ASF1A: variants seen among roughly 807,000 people sequenced by gnomAD.
ASF1A encodes anti-silencing function 1A histone chaperone.
In ASF1A, 5 loss-of-function variants were observed where a neutral mutation model predicts 22.0. That is an observed-to-expected ratio of 0.23 (90% CI 0.12 to 0.48). The LOEUF (loss-of-function observed/expected upper bound fraction) is 0.48. ASF1A is among the 20% of genes least tolerant of loss of function. The pLI is 0.99. For synonymous variants in ASF1A, 97 were observed against 86.7 expected (o/e 1.12, Z -0.66); for missense variants, 137 against 240.6 (o/e 0.57, Z 2.85).
At chr6:118,903,906 C>T (rs773516980) in intron 2 of ASF1A, among the ~76,000 whole-genome samples, 9 of 152,092 alleles carry the variant, frequency 5.9e-5, no homozygotes, top group East Asian at 3.9e-4. Context: ...ATTATCACCA[C>T]GTTTTAAAGA....
chr6:118,896,071 G>T, intron 1 of ASF1A, among the ~76,000 whole-genome samples: 1 of 146,562 alleles, frequency 6.8e-6, no homozygotes, highest in Non-Finnish European at 1.5e-5. Flanking sequence ...CCTATATAGA[G>T]CATAAATGCA....
intron 1 of ASF1A, 118 bp from the exon 2 acceptor site, chr6:118,900,648 C>A: frequency 1.4e-6 from 1 of 722,040 alleles, no homozygotes; most frequent in Non-Finnish European, 2.5e-6. Context: ...TTCTGGATTG[C>A]TATGAGAAGC....
chr6:118,897,087 C>T (rs1264973936), intron 1 of ASF1A, among the ~76,000 whole-genome samples: 2 of 152,172 alleles, frequency 1.3e-5, no homozygotes, highest in African/African-American at 4.8e-5. Flanking sequence ...AGTCCTCCCA[C>T]CCCTGCCTCC....
intron 1 of ASF1A, 31 bp downstream of exon 1, chr6:118,894,553 C>CA: frequency 6.7e-7 from 1 of 1,501,462 alleles, no homozygotes; most frequent in Non-Finnish European, 9.0e-7. Context: ...CCCGGGCTGT[C>CA]AGTTGCGGGC....
chr6:118,895,003 C>T lies in ASF1A; in HGVS notation c.109+481C>T, dbSNP rs887599382. On this transcript the variant is annotated intron_variant, in intron 1 of 3. Transcript: ENST00000229595. ...CCAGCGACCCCGGCGCACGGCGCCT[C>T]CTCTTGCCCCGCCGCCCGCCTGCCC... 1.2e-4 allele frequency among the ~76,000 whole-genome samples: 18 copies of T among 152,162 alleles called. No homozygotes were observed. The East Asian group carries it at 1.5e-3, about 13-fold the overall frequency.
rs573630468 is a variant in ASF1A at position 118,905,568 on chromosome 6, T to G, written c.226-84T>G. ...TTCTTGTTGCATCCTCAACTGATGG[T>G]TCTAGGTAACTGAAACTCCAGTCTT... On this transcript the variant is annotated intron_variant, in intron 2 of 3. Coordinates refer to ENST00000229595, the MANE Select transcript of ASF1A (RefSeq NM_014034.3). 3.0e-3 allele frequency: 3,338 copies of G among 1,117,914 alleles called. 64 individuals carry two copies. In the African/African-American group the frequency reaches 0.048, roughly 16 times the overall value. The allele number at this position is 1,117,914 out of a possible 1,614,324, so 69.2% of individuals were successfully genotyped here. A position where few individuals can be genotyped will look rare whatever the true frequency, so the allele number is the denominator to read the frequency against.
At chr6:118,905,908 C>A in intron 3 of ASF1A, 80 bp downstream of exon 3, 1 of 1,068,368 alleles carries the variant, frequency 9.4e-7, no homozygotes, top group Non-Finnish European at 1.3e-6. Context: ...TCATAGTATA[C>A]TATTAAAATG....
chr6:118,905,278 ATACT>A (rs973867239), intron 2 of ASF1A, among the ~76,000 whole-genome samples: 6 of 152,236 alleles, frequency 3.9e-5, no homozygotes, highest in Admixed American at 1.3e-4. Flanking sequence ...AGATCATTTA[ATACT>A]TACTAATTTA....
At chr6:118,905,053 G>A (rs1780080466) in intron 2 of ASF1A, among the ~76,000 whole-genome samples, 1 of 152,170 alleles carries the variant, frequency 6.6e-6, no homozygotes, top group Non-Finnish European at 1.5e-5. Flanking sequence ...GGCCAGGATG[G>A]TCTCAATCTC....
At chr6:118,906,101 C>T (rs749092759) in intron 3 of ASF1A, among the ~76,000 whole-genome samples, 3 of 152,086 alleles carry the variant, frequency 2.0e-5, no homozygotes, top group Non-Finnish European at 2.9e-5. Flanking sequence ...GAGATGGTTT[C>T]CTGCTCTGTT....
intron 1 of ASF1A, among the ~76,000 whole-genome samples, chr6:118,896,213 A>T (rs2114494250): frequency 6.6e-6 from 1 of 152,226 alleles, no homozygotes; most frequent in South Asian, 2.1e-4. Context: ...TGATACTACT[A>T]TTAATATAAG....
intron 2 of ASF1A, among the ~76,000 whole-genome samples, chr6:118,904,941 G>A (rs1780071955): frequency 6.6e-6 from 1 of 152,162 alleles, no homozygotes; most frequent in East Asian, 1.9e-4. Flanking sequence ...CGGTTCAAGT[G>A]ATTCTCCTGC....
chr6:118,902,738 A>G (rs1193579801), intron 2 of ASF1A, among the ~76,000 whole-genome samples: 1 of 152,206 alleles, frequency 6.6e-6, no homozygotes, highest in African/African-American at 2.4e-5. Context: ...ATGTTGCCAA[A>G]AAGAACAGAG....
At chr6:118,895,634 T>A (rs1039963334) in intron 1 of ASF1A, among the ~76,000 whole-genome samples, 4 of 152,148 alleles carry the variant, frequency 2.6e-5, no homozygotes, top group African/African-American at 9.7e-5. Flanking sequence ...TACGTATTTT[T>A]AATATCTTTA....
At chr6:118,900,476 A>G (rs193111576) in intron 1 of ASF1A, among the ~76,000 whole-genome samples, 1 of 152,242 alleles carries the variant, frequency 6.6e-6, no homozygotes, top group Non-Finnish European at 1.5e-5. Flanking sequence ...ATGCTTTATG[A>G]ATCCTCAAGA....
chr6:118,902,739 A>T (rs1562431063), intron 2 of ASF1A, among the ~76,000 whole-genome samples: 1 of 152,206 alleles, frequency 6.6e-6, no homozygotes, highest in Non-Finnish European at 1.5e-5. Flanking sequence ...TGTTGCCAAA[A>T]AGAACAGAGG....
At chr6:118,903,750 T>C (rs72966846) in intron 2 of ASF1A, among the ~76,000 whole-genome samples, 4,405 of 152,248 alleles carry the variant, frequency 0.029, 118 homozygotes, top group Non-Finnish European at 0.038. Context: ...GAAGTATTTC[T>C]TTTTTAAATT....
intron 1 of ASF1A, 27 bp downstream of exon 1, chr6:118,894,549 C>A: frequency 1.3e-6 from 2 of 1,512,174 alleles, no homozygotes; most frequent in East Asian, 2.5e-5. Flanking sequence ...TGCGCCCGGG[C>A]TGTCAGTTGC....
Position 118,894,625 on chromosome 6 carries a change from C to T in ASF1A, c.109+103C>T, listed in dbSNP as rs937099223. On this transcript the variant is annotated intron_variant, in intron 1 of 3. Transcript: ENST00000229595. Reference sequence around the variant, plus strand: ...CTGGGCGGCTGTGTTCGGCGCCTGGCGGCCGCGGGCTGCTCTGCGGAGGGA... The same window carrying T: ...CTGGGCGGCTGTGTTCGGCGCCTGGTGGCCGCGGGCTGCTCTGCGGAGGGA... 130 of 1,015,176 alleles carry T rather than the reference C, an allele frequency of 1.3e-4. 2 individuals carry two copies. The Middle Eastern group carries it at 2.3e-3, about 18-fold the overall frequency. 62.9% of individuals were successfully genotyped at this position (1,015,176 alleles called of 1,614,324 possible). A position where few individuals can be genotyped will look rare whatever the true frequency, so the allele number is the denominator to read the frequency against.
Sources: allele counts gnomAD v4.1 joint callset (sites outside exome capture counted in the v4.1 genomes callset), GRCh38; gene constraint gnomAD v4.1.1; transcripts MANE v1.5; gene names NCBI Gene and HGNC (gene_info 2026-07-23, HGNC 2026-07-21).